Variants in RIMBP2 observed in about 807,000 individuals in gnomAD.
The protein encoded by RIMBP2 is RIMS-binding protein 2.
RIMBP2 carries 48 observed loss-of-function variants against 118.6 expected under a neutral mutation model. That is an observed-to-expected ratio of 0.40 (90% CI 0.32 to 0.51). The LOEUF (loss-of-function observed/expected upper bound fraction) is 0.51. Ranked by LOEUF, RIMBP2 falls within the 20% of genes least tolerant of loss-of-function variation. The pLI is 0.41. For missense variants in RIMBP2, 1,551 were observed against 1,768.3 expected (o/e 0.88, Z 2.20); for synonymous variants, 762 against 742.9 (o/e 1.03, Z -0.42).
intron 1 of RIMBP2, among the ~76,000 whole-genome samples, chr12:130,634,182 CT>C (rs1445312079): frequency 3.3e-5 from 5 of 152,192 alleles, no homozygotes; most frequent in Admixed American, 2.6e-4. Context: ...CTCCCCACCC[CT>C]GATCAACTCT....
intron 1 of RIMBP2, among the ~76,000 whole-genome samples, chr12:130,659,140 C>CCAAG (rs2063547859): frequency 6.6e-6 from 1 of 152,216 alleles, no homozygotes; most frequent in Non-Finnish European, 1.5e-5. Context: ...AACACCGTGT[C>CCAAG]AGCCACCTGC....
At chr12:130,675,873 G>A (rs1215601881) in intron 1 of RIMBP2, among the ~76,000 whole-genome samples, 4 of 152,158 alleles carry the variant, frequency 2.6e-5, no homozygotes, top group Admixed American at 6.5e-5. Flanking sequence ...TGGGACCCCC[G>A]GCTAGACCTC....
At chr12:130,528,596 C>T (rs1310231428) in intron 2 of RIMBP2, among the ~76,000 whole-genome samples, 1 of 152,166 alleles carries the variant, frequency 6.6e-6, no homozygotes, top group Non-Finnish European at 1.5e-5. Flanking sequence ...TGCACATGTA[C>T]CCCATAACTT....
rs189921279 is a variant in RIMBP2, at chr12:130,713,765, G to A, written c.-352+2457C>T. On this transcript the variant is annotated intron_variant, in intron 1 of 22. Transcript: ENST00000690449. ...ACTCCCGGACACAAAGGAAGCTCCC[G>A]GGTCAGGCCCTCTGGTCCCTGAGGT... Among the ~76,000 whole-genome samples, 268 of 152,304 alleles carry A rather than the reference G, an allele frequency of 1.8e-3. 2 individuals carry two copies. The highest frequency in any genetic ancestry group is 6.3e-3 in the African/African-American group (262 of 41,572).
chr12:130,428,332 G>A lies in RIMBP2; in HGVS notation c.2259C>T (p.His753=). The change falls in exon 15 of 23, where the codon CAC becomes CAT. Residue 753 remains histidine (H), a synonymous_variant. Transcript: ENST00000690449. ...TGTGGTACTCGTCTCCATGGCAACA[G>A]TGCGGCTGGGGGCCAAGAAAAGGGG... is the stretch of plus-strand genomic sequence containing the variant. ...LKGSELGKQP[H]CCHGDEYHTE... The A allele has an allele frequency of 6.2e-7, 1 of 1,605,920 alleles. No homozygotes were observed. The highest frequency in any genetic ancestry group is 1.1e-5 in the South Asian group (1 of 89,502).
intron 14 of RIMBP2, among the ~76,000 whole-genome samples, chr12:130,433,398 A>G (rs183078641): frequency 1.9e-4 from 29 of 152,246 alleles, no homozygotes; most frequent in Middle Eastern, 3.4e-3. Context: ...CCCAACCTGA[A>G]TGCATATGGT....
chr12:130,641,461 CA>C (rs1197880933), intron 1 of RIMBP2, among the ~76,000 whole-genome samples: 473 of 150,928 alleles, frequency 3.1e-3, no homozygotes, highest in South Asian at 7.4e-3. Context: ...CTCGGCCCGG[CA>C]TCACGGGCTG....
chr12:130,428,320 T>A lies in RIMBP2; in HGVS notation c.2271A>T (p.Gly757=). Reference sequence around the variant, plus strand: ...GGCTGCTCTCTGTGTGGTACTCGTCTCCATGGCAACAGTGCGGCTGGGGGC... The same window carrying A: ...GGCTGCTCTCTGTGTGGTACTCGTCACCATGGCAACAGTGCGGCTGGGGGC... The part of the protein sequence containing the change: ...ELGKQPHCCH[G]DEYHTESSRG... The change falls in exon 15 of 23, where the codon GGA becomes GGT. Residue 757 remains glycine, a synonymous_variant. Transcript: ENST00000690449. 6.2e-7 allele frequency: 1 copy of A among 1,610,026 alleles called. No individual in the cohort carries two copies. Among genetic ancestry groups the A allele is most frequent in the Non-Finnish European group, 8.5e-7 (1 of 1,178,014 alleles).
intron 1 of RIMBP2, among the ~76,000 whole-genome samples, chr12:130,650,798 C>T (rs1161368714): frequency 2.0e-5 from 3 of 151,852 alleles, no homozygotes; most frequent in Non-Finnish European, 4.4e-5. Flanking sequence ...AGAGATTTTT[C>T]CCCTCAAAAC....
intron 3 of RIMBP2, among the ~76,000 whole-genome samples, chr12:130,516,571 G>C (rs1352739762): frequency 6.6e-6 from 1 of 152,254 alleles, no homozygotes; most frequent in Non-Finnish European, 1.5e-5. Context: ...GTGGACGTTA[G>C]AGCCACGAAT....
intron 2 of RIMBP2, among the ~76,000 whole-genome samples, chr12:130,575,230 C>G (rs2058009621): frequency 1.4e-5 from 2 of 140,266 alleles, no homozygotes; most frequent in South Asian, 5.1e-4. Flanking sequence ...CCACCCCCAC[C>G]CCCGGCAGTA....
At chr12:130,477,646 C>A (rs884255) in intron 5 of RIMBP2, among the ~76,000 whole-genome samples, 63,258 of 152,092 alleles carry the variant, frequency 0.42, 13,654 homozygotes, top group South Asian at 0.46. Flanking sequence ...ATGCTAAATG[C>A]TTAGAGAAAT....
intron 14 of RIMBP2, chr12:130,428,746 C>T: frequency 6.3e-6 from 1 of 159,260 alleles, no homozygotes; most frequent in Non-Finnish European, 1.4e-5. Flanking sequence ...ACCCTGGATC[C>T]AGCATTGTGT....
In RIMBP2 at chr12:130,532,425, G is replaced by A. The variant is rs201461938; in HGVS notation, c.-216-14508C>T. 7.4e-3 allele frequency among the ~76,000 whole-genome samples: 1,018 copies of A among 136,730 alleles called. 3 individuals are homozygous for A. The highest frequency in any genetic ancestry group is 0.025 in the African/African-American group (958 of 38,672). The allele number at this position is 136,730 out of a possible 152,430, so 89.7% of individuals were successfully genotyped here. On this transcript the variant is annotated intron_variant, in intron 2 of 22. Coordinates refer to ENST00000690449, the MANE Select transcript of RIMBP2 (RefSeq NM_001393629.1). ...AGGAGTTACGTCTAATGAGATGCGT[G>A]TGTTCAGCCTCTAGGAGGGACGTCT...
In RIMBP2 at chr12:130,407,790, G is replaced by A. The variant is rs764908696; in HGVS notation, c.3629C>T (p.Thr1210Met). 18 of 1,613,990 alleles carry A rather than the reference G, an allele frequency of 1.1e-5. No homozygotes were observed. The highest frequency in any genetic ancestry group is 4.0e-5 in the African/African-American group (3 of 74,932). ...GTCATACAGGGCCACCATTCTCCGC[G>A]TCGATACCGAATGACGCCTGCCACT... The part of the protein sequence containing the change: ...RRSGRRHSVS[T>M]RRMVALYDYD... The change falls in exon 20 of 23, where the codon ACG becomes ATG. Residue 1210 changes from threonine (T) to methionine (M), a missense_variant. By Grantham distance (81) the Thr-to-Met change is moderately conservative (BLOSUM62 -1). Coordinates refer to ENST00000690449, the MANE Select transcript of RIMBP2 (RefSeq NM_001393629.1).
chr12:130,578,514 GC>G lies in RIMBP2; in HGVS notation c.-217+49807del, dbSNP rs1308379369. ...AGCCATGCACAGACCTGTTCTCCTGGCCCCAGTCGTACATGCCTGTGTTCTG... is the reference window on the plus strand; with the variant it reads ...AGCCATGCACAGACCTGTTCTCCTGGCCCAGTCGTACATGCCTGTGTTCTG... On this transcript the variant is annotated intron_variant, in intron 2 of 22. Transcript: ENST00000690449. The surrounding 1 kb of genome is among the most constrained non-coding windows in gnomAD (Gnocchi z 4.1). Among the ~76,000 whole-genome samples the G allele has an allele frequency of 6.6e-6, 1 of 152,144 alleles. No homozygotes were observed. Among genetic ancestry groups the G allele is most frequent in the Non-Finnish European group, 1.5e-5 (1 of 68,028 alleles).
chr12:130,643,974 T>G (rs2062738649), intron 1 of RIMBP2, among the ~76,000 whole-genome samples: 1 of 152,086 alleles, frequency 6.6e-6, no homozygotes, highest in Non-Finnish European at 1.5e-5. Context: ...GAGGTGGCCA[T>G]GCTGAGACAG....
intron 2 of RIMBP2, among the ~76,000 whole-genome samples, chr12:130,535,732 T>TATATATACAC (rs1566217884): frequency 1.2e-3 from 23 of 19,488 alleles, no homozygotes; most frequent in African/African-American, 1.8e-3. Context: ...TATATACATA[T>TATATATACAC]ATATACATAT....
At chr12:130,645,301 G>A (rs1336238913) in intron 1 of RIMBP2, among the ~76,000 whole-genome samples, 1 of 152,092 alleles carries the variant, frequency 6.6e-6, no homozygotes, top group Non-Finnish European at 1.5e-5. Context: ...ATGCTGGCCA[G>A]GCTGCTCTCT....
Sources: allele counts gnomAD v4.1 joint callset (sites outside exome capture counted in the v4.1 genomes callset), GRCh38; gene constraint gnomAD v4.1.1; non-coding constraint Gnocchi (gnomAD v3.1); transcripts MANE v1.5; gene names NCBI Gene and HGNC (gene_info 2026-07-23, HGNC 2026-07-21).